MBD2: variants seen among roughly 807,000 people sequenced by gnomAD.
The protein encoded by MBD2 is methyl-CpG-binding domain protein 2.
In MBD2, 9 loss-of-function variants were observed where a neutral mutation model predicts 39.3. The observed-to-expected ratio is 0.23, with a 90% CI of 0.14 to 0.40. MBD2 has a LOEUF of 0.40. MBD2 is among the 10% of genes least tolerant of loss of function. MBD2 has a pLI of 1.00. For missense variants in MBD2, 458 were observed against 532.6 expected (o/e 0.86, Z 1.38); for synonymous variants, 233 against 211.1 (o/e 1.10, Z -0.90).
chr18:54,215,963 G>T (rs1011642893), intron 1 of MBD2, among the ~76,000 whole-genome samples: 1 of 151,124 alleles, frequency 6.6e-6, no homozygotes, highest in Non-Finnish European at 1.5e-5. Flanking sequence ...CACCATGCCC[G>T]GCTAATTTTT....
At chr18:54,189,649 G>A (rs986994951) in intron 2 of MBD2, among the ~76,000 whole-genome samples, 1 of 151,994 alleles carries the variant, frequency 6.6e-6, no homozygotes, top group Non-Finnish European at 1.5e-5. Flanking sequence ...AAGAACTTGG[G>A]GTTTTGCTTG....
chr18:54,211,188 A>C (rs1419599500), intron 1 of MBD2, among the ~76,000 whole-genome samples: 1 of 152,008 alleles, frequency 6.6e-6, no homozygotes, highest in Non-Finnish European at 1.5e-5. Flanking sequence ...TATTTTTTAA[A>C]ATCTCTTTAA....
chr18:54,223,841 C>T (rs2144361855), intron 1 of MBD2, among the ~76,000 whole-genome samples, 177 bp downstream of exon 1: 1 of 152,178 alleles, frequency 6.6e-6, no homozygotes, highest in Non-Finnish European at 1.5e-5. Context: ...TTTGACACTG[C>T]CTCCCACCGC....
intron 3 of MBD2, among the ~76,000 whole-genome samples, chr18:54,179,343 C>G (rs560791444): frequency 6.6e-6 from 1 of 152,262 alleles, no homozygotes; most frequent in African/African-American, 2.4e-5. Flanking sequence ...TAAGAAGGAT[C>G]ACCTCCAAGC....
intron 1 of MBD2, among the ~76,000 whole-genome samples, chr18:54,212,018 G>C (rs1052085474): frequency 1.3e-5 from 2 of 151,998 alleles, no homozygotes; most frequent in Non-Finnish European, 2.9e-5. Context: ...ACCAAACCCA[G>C]CTAATTTTTT....
intron 3 of MBD2, among the ~76,000 whole-genome samples, chr18:54,180,675 C>A (rs1463885047): frequency 6.6e-6 from 1 of 152,002 alleles, no homozygotes; most frequent in Admixed American, 6.6e-5. Context: ...ATGTTTCTGG[C>A]AGAGACTAGA....
chr18:54,176,838 C>T lies in MBD2; in HGVS notation c.841-10672G>A, dbSNP rs182513321. Among the ~76,000 whole-genome samples the T allele has an allele frequency of 1.2e-3, 186 of 152,290 alleles. 2 individuals are homozygous for T. The highest frequency in any genetic ancestry group is 4.3e-3 in the African/African-American group (178 of 41,558). On this transcript the variant is annotated intron_variant, in intron 3 of 6. Coordinates refer to ENST00000256429, the MANE Select transcript of MBD2 (RefSeq NM_003927.5). ...GCATAAACCAAGGAGAAGGTTACTTCGTGTGGCTGTGCAAACTACAATGTG... is the reference window on the plus strand; with the variant it reads ...GCATAAACCAAGGAGAAGGTTACTTTGTGTGGCTGTGCAAACTACAATGTG...
At chr18:54,166,507 A>G (rs2086133856) in intron 3 of MBD2, among the ~76,000 whole-genome samples, 1 of 152,230 alleles carries the variant, frequency 6.6e-6, no homozygotes, top group South Asian at 2.1e-4. Flanking sequence ...TGAAATTTTA[A>G]TGCTACGACT....
chr18:54,224,169 A>G lies in MBD2; in HGVS notation c.391T>C (p.Ser131Pro). 7.1e-7 allele frequency: 1 copy of G among 1,408,016 alleles called. No homozygotes were observed. The allele number at this position is 1,408,016 out of a possible 1,614,324, so 87.2% of individuals were successfully genotyped here. ...APRREPVPFP[S>P]GSAGPGPRGP... ...CTGGGCCCCGGCCCCGCGCTCCCCG[A>G]CGGGAAAGGGACCGGCTCCCGCCGG... Residue 131 changes from serine (S) to proline (P), a missense_variant, in exon 1 of 7, where the codon TCG (serine) becomes CCG (proline). Coordinates refer to ENST00000256429, the MANE Select transcript of MBD2 (RefSeq NM_003927.5).
chr18:54,184,029 A>T (rs1036438865), intron 3 of MBD2, among the ~76,000 whole-genome samples: 8 of 152,216 alleles, frequency 5.3e-5, no homozygotes, highest in African/African-American at 1.9e-4. Flanking sequence ...TCTCATTTTT[A>T]AAATTTAACA....
At chr18:54,191,414 TAA>T (rs1257154063) in intron 2 of MBD2, among the ~76,000 whole-genome samples, 14 of 152,230 alleles carry the variant, frequency 9.2e-5, no homozygotes, top group Admixed American at 1.3e-4. Flanking sequence ...TTTAATGAAT[TAA>T]GTCAGCACCT....
At chr18:54,208,085 C>G (rs970748035) in intron 1 of MBD2, among the ~76,000 whole-genome samples, 1 of 152,058 alleles carries the variant, frequency 6.6e-6, no homozygotes, top group Middle Eastern at 3.4e-3. Context: ...GCTGCAATAG[C>G]CATATGGTCC....
At chr18:54,167,855 A>G (rs1364447116) in intron 3 of MBD2, among the ~76,000 whole-genome samples, 1 of 151,928 alleles carries the variant, frequency 6.6e-6, no homozygotes. Context: ...TAATTGATGA[A>G]TGCAATAAAT....
intron 3 of MBD2, among the ~76,000 whole-genome samples, chr18:54,187,145 T>C (rs1788400049): frequency 6.6e-6 from 1 of 152,164 alleles, no homozygotes; most frequent in South Asian, 2.1e-4. Context: ...ACGGCCAGAA[T>C]TTGCTAATCA....
rs563398060 is a variant in MBD2, at chr18:54,195,122, G to A, written c.703-6111C>T. Reference sequence around the variant, plus strand: ...AGTGTATATGGAATTTAAAGATATCGAAATGGATTCCTTTAAAACCATCCA... The same window carrying A: ...AGTGTATATGGAATTTAAAGATATCAAAATGGATTCCTTTAAAACCATCCA... On this transcript the variant is annotated intron_variant, in intron 2 of 6. Transcript: ENST00000256429. Among the ~76,000 whole-genome samples, 8 of 152,034 alleles carry A rather than the reference G, an allele frequency of 5.3e-5. No homozygotes were observed. In the South Asian group the frequency reaches 1.2e-3, roughly 24 times the overall value.
At chr18:54,205,299 C>T (rs1037867899) in intron 1 of MBD2, 142 bp from the exon 2 acceptor site, 47 of 755,288 alleles carry the variant, frequency 6.2e-5, no homozygotes, top group Non-Finnish European at 8.7e-5. Context: ...TTGCTAGGCG[C>T]GATGGCTCAC....
intron 3 of MBD2, among the ~76,000 whole-genome samples, chr18:54,172,776 C>A (rs2086187112): frequency 6.6e-6 from 1 of 152,148 alleles, no homozygotes; most frequent in Non-Finnish European, 1.5e-5. Flanking sequence ...TCTGAACAAC[C>A]AATGTTCAAA....
At chr18:54,174,942 G>A (rs911820238) in intron 3 of MBD2, among the ~76,000 whole-genome samples, 1 of 152,176 alleles carries the variant, frequency 6.6e-6, no homozygotes, top group Admixed American at 6.5e-5. Flanking sequence ...TCAAATGTAG[G>A]TACAGCAGCA....
At chr18:54,200,408 T>C (rs2086397013) in intron 2 of MBD2, among the ~76,000 whole-genome samples, 1 of 152,226 alleles carries the variant, frequency 6.6e-6, no homozygotes, top group African/African-American at 2.4e-5. Context: ...AGTATGTTTA[T>C]ACATCTAAAA....
Sources: allele counts gnomAD v4.1 joint callset (sites outside exome capture counted in the v4.1 genomes callset), GRCh38; gene constraint gnomAD v4.1.1; transcripts MANE v1.5; gene names NCBI Gene and HGNC (gene_info 2026-07-23, HGNC 2026-07-21).